Variants in GSE1 observed in about 807,000 individuals in gnomAD.
GSE1 encodes the protein genetic suppressor element 1.
A neutral mutation model predicts 112.6 loss-of-function variants in GSE1; 32 were observed. The observed-to-expected ratio is 0.28, with a 90% confidence interval of 0.21 to 0.38. The LOEUF is 0.38. Ranked by LOEUF, GSE1 falls within the 10% of genes least tolerant of loss-of-function variation. GSE1 has a pLI of 1.00. For synonymous variants in GSE1, 1,115 were observed against 735.6 expected, an observed-to-expected ratio of 1.52 and a Z score of -8.35; for missense variants, 2,348 against 1,699.2, an observed-to-expected ratio of 1.38 and a Z score of -6.71.
At chr16:85,327,971 G>A (rs550886588) in intron 1 of GSE1, among the ~76,000 whole-genome samples, 1 of 152,272 alleles carries the variant, frequency 6.6e-6, no homozygotes, top group South Asian at 2.1e-4. Context: ...AGATCGCCTG[G>A]TACAGATCCC....
intron 1 of GSE1, among the ~76,000 whole-genome samples, chr16:85,573,249 C>T (rs549986318): frequency 4.3e-4 from 66 of 152,318 alleles, no homozygotes; most frequent in Non-Finnish European, 7.6e-4. Context: ...TGTTCACTTT[C>T]TGAGTAGCGG....
intron 1 of GSE1, among the ~76,000 whole-genome samples, chr16:85,198,322 A>G (rs2074967059): frequency 6.6e-6 from 1 of 152,140 alleles, no homozygotes; most frequent in African/African-American, 2.4e-5. Flanking sequence ...TCAACAGGGG[A>G]TGAGAGCAGC....
chr16:85,421,115 G>C (rs1040536945), intron 2 of GSE1, among the ~76,000 whole-genome samples: 1 of 152,230 alleles, frequency 6.6e-6, no homozygotes, highest in Non-Finnish European at 1.5e-5. Context: ...CACAGAGCCC[G>C]GCACGCAGTG....
rs1260812460 is a variant in GSE1, at chr16:85,440,169, C to T, written c.2464+82526C>T. Among the ~76,000 whole-genome samples, 5 of 152,164 alleles carry T rather than the reference C, an allele frequency of 3.3e-5. No homozygotes were observed. The East Asian group carries it at 5.8e-4, about 18-fold the overall frequency. ...CGAGTCAGTGAATGCATGGATGGCT[C>T]GAACCGTGTCTTGACTCAGCAACAC... is the stretch of plus-strand genomic sequence containing the variant. On this transcript the variant is annotated intron_variant, in intron 2 of 2. Transcript: ENST00000637419.
At chr16:85,571,257 T>A (rs1403526334) in intron 1 of GSE1, among the ~76,000 whole-genome samples, 1 of 152,182 alleles carries the variant, frequency 6.6e-6, no homozygotes, top group African/African-American at 2.4e-5. Flanking sequence ...AGGCCTCACA[T>A]TGGATAGCCA....
chr16:85,653,572 G>A (rs2051628319), intron 3 of GSE1, among the ~76,000 whole-genome samples: 1 of 151,746 alleles, frequency 6.6e-6, no homozygotes, highest in African/African-American at 2.4e-5. Context: ...CAGGTCCACT[G>A]TGTCCAGGAG....
chr16:85,322,739 C>T (rs2046137778), intron 1 of GSE1, among the ~76,000 whole-genome samples: 1 of 151,952 alleles, frequency 6.6e-6, no homozygotes, highest in South Asian at 2.1e-4. Context: ...CGTCAGCCTC[C>T]TGAGTAGCTG....
chr16:85,487,401 A>C (rs982053856), intron 2 of GSE1, among the ~76,000 whole-genome samples: 2 of 152,152 alleles, frequency 1.3e-5, no homozygotes, highest in African/African-American at 4.8e-5. Context: ...TGTGACAGGC[A>C]TGTCGAGGGC....
intron 2 of GSE1, among the ~76,000 whole-genome samples, chr16:85,531,795 G>T (rs2044146708): frequency 6.6e-6 from 1 of 152,194 alleles, no homozygotes; most frequent in African/African-American, 2.4e-5. Context: ...GGAGGGGCCA[G>T]GTGCTGGGCG....
intron 1 of GSE1, among the ~76,000 whole-genome samples, chr16:85,603,292 G>A (rs1384993212): frequency 2.0e-5 from 3 of 152,188 alleles, no homozygotes; most frequent in Non-Finnish European, 2.9e-5. Flanking sequence ...GAGAGACGCC[G>A]AGTGGGGAAA....
intron 2 of GSE1, among the ~76,000 whole-genome samples, chr16:85,518,351 C>T (rs1001243361): frequency 9.2e-5 from 14 of 152,130 alleles, no homozygotes; most frequent in African/African-American, 1.7e-4. Flanking sequence ...AGCCACAGGA[C>T]GGTGCCCTGA....
chr16:85,503,922 G>A (rs551280090), intron 2 of GSE1, among the ~76,000 whole-genome samples: 26 of 152,292 alleles, frequency 1.7e-4, no homozygotes, highest in South Asian at 6.2e-4. Flanking sequence ...AATTAGGACC[G>A]GCAGTGCGGA....
intron 1 of GSE1, among the ~76,000 whole-genome samples, chr16:85,244,587 C>T (rs1205755835): frequency 2.6e-5 from 4 of 152,178 alleles, no homozygotes; most frequent in South Asian, 2.1e-4. Context: ...CAGTGGCTCA[C>T]GCATGTAATC....
At position 85,214,018 on chromosome 16, in the gene GSE1, C is replaced by A. The variant is rs904235735; in HGVS notation, c.2283+42211C>A. Among the ~76,000 whole-genome samples the A allele has an allele frequency of 4.6e-5, 7 of 152,370 alleles. No homozygotes were observed. In the South Asian group the frequency reaches 1.2e-3, roughly 27 times the overall value. On this transcript the variant is annotated intron_variant, in intron 1 of 2. Transcript: ENST00000637419. ...AGGTGGAGGCCATCCCAGGGCATCTCTTGCCAGGCTGGCACCGGCATCGTT... is the reference window on the plus strand; with the variant it reads ...AGGTGGAGGCCATCCCAGGGCATCTATTGCCAGGCTGGCACCGGCATCGTT...
At chr16:85,646,250 C>A (rs2050861368) in intron 2 of GSE1, among the ~76,000 whole-genome samples, 1 of 152,182 alleles carries the variant, frequency 6.6e-6, no homozygotes, top group Non-Finnish European at 1.5e-5. Context: ...CTGCTTCTAC[C>A]ACGCATTCTA....
chr16:85,235,427 A>ATTGTGTGTGTGTGTGT (rs574126768), intron 1 of GSE1, among the ~76,000 whole-genome samples: 7 of 64,944 alleles, frequency 1.1e-4, no homozygotes, highest in Non-Finnish European at 2.2e-4. Context: ...ATGGAAGGGT[A>ATTGTGTGTGTGTGTGT]CTGTGTGTGT....
intron 2 of GSE1, among the ~76,000 whole-genome samples, chr16:85,639,743 C>T (rs1339328352): frequency 6.6e-6 from 1 of 152,254 alleles, no homozygotes; most frequent in Non-Finnish European, 1.5e-5. Context: ...GCCGTGGAGC[C>T]TCCACCGCCG....
intron 2 of GSE1, among the ~76,000 whole-genome samples, chr16:85,550,819 G>C (rs2044882026): frequency 6.6e-6 from 1 of 152,230 alleles, no homozygotes; most frequent in Non-Finnish European, 1.5e-5. Context: ...AGGTGCAGCT[G>C]GTGTTGGGTG....
At chr16:85,449,086 G>GGA (rs1252881576) in intron 2 of GSE1, among the ~76,000 whole-genome samples, 1 of 152,212 alleles carries the variant, frequency 6.6e-6, no homozygotes, top group East Asian at 1.9e-4. Context: ...AACCGGGCCG[G>GGA]GAGCAGCCCC....
Sources: allele counts gnomAD v4.1 joint callset (sites outside exome capture counted in the v4.1 genomes callset), GRCh38; gene constraint gnomAD v4.1.1; transcripts MANE v1.5; gene names NCBI Gene and HGNC (gene_info 2026-07-23, HGNC 2026-07-21).